Variants in CNOT1 observed in about 807,000 individuals in gnomAD.
CNOT1 encodes CCR4-NOT transcription complex subunit 1, also known as CCR4-associated factor 1.
In CNOT1, 15 loss-of-function variants were observed where a neutral mutation model predicts 273.8. The observed-to-expected ratio is 0.05, with a 90% CI of 0.04 to 0.08. The LOEUF (loss-of-function observed/expected upper bound fraction) is 0.08. Ranked by LOEUF, CNOT1 falls within the 10% of genes least tolerant of loss-of-function variation. The pLI, the probability that CNOT1 is intolerant of heterozygous loss-of-function variation, is 1.00. For synonymous variants in CNOT1, 1,022 were observed against 1,005.5 expected, an observed-to-expected ratio of 1.02 and a Z score of -0.31; for missense variants, 1,644 against 2,912.2, an observed-to-expected ratio of 0.56 and a Z score of 10.02.
At position 58,547,615 on chromosome 16, in the gene CNOT1, T is replaced by C; in HGVS notation, c.3590A>G (p.His1197Arg). The C allele has an allele frequency of 6.2e-7, 1 of 1,613,812 alleles. No homozygotes were observed. The highest frequency in any genetic ancestry group is 8.5e-7 in the Non-Finnish European group (1 of 1,179,822). Residue 1197 changes from histidine (H) to arginine (R), a missense_variant, in exon 26 of 49, where the codon CAT (histidine) becomes CGT (arginine). Transcript: ENST00000317147. This position sits in a 1 kb window ranked among gnomAD's most constrained non-coding sequence, Gnocchi z 4.0. Reference protein sequence around the residue: ...SDRSLLKNLGHWLGMITLAKN... With the variant: ...SDRSLLKNLGRWLGMITLAKN... The stretch of plus-strand genomic sequence containing the variant: ...AGCTAATGTGATCATTCCTAGCCAA[T>C]GTCCCAAGTTCTTCAGCAAAGAACG...
chr16:58,615,006 C>G (rs2043025106), intron 1 of CNOT1, among the ~76,000 whole-genome samples: 1 of 106,424 alleles, frequency 9.4e-6, no homozygotes, highest in African/African-American at 3.3e-5. Context: ...CAGCACTGGG[C>G]CTGTATCCTT....
intron 2 of CNOT1, among the ~76,000 whole-genome samples, chr16:58,597,099 GA>G (rs71666373): frequency 0.36 from 47,786 of 133,486 alleles, 8,885 homozygotes; most frequent in Non-Finnish European, 0.47. Flanking sequence ...CATTTAAAAA[GA>G]AAAAAAAAAA....
intron 2 of CNOT1, chr16:58,598,032 G>A (rs1286275003): frequency 5.5e-6 from 1 of 180,416 alleles, no homozygotes. Flanking sequence ...GGGAGGCCAA[G>A]GCGGGCAGAT....
rs759486325 is a variant in CNOT1, at chr16:58,520,994, C to T, written c.7095G>A (p.Gln2365=). 1.2e-6 allele frequency: 2 copies of T among 1,614,078 alleles called. No individual in the cohort carries two copies. The highest frequency in any genetic ancestry group is 1.1e-5 in the South Asian group (1 of 91,086). The stretch of plus-strand genomic sequence containing the variant: ...CTGTCCCTTCCATTACTTGCTGGGC[C>T]TGCTTCTGTCCCATGCAGCACTGTG... ...SVAQCCMGQK[Q]AQQVMEGTGA... Residue 2365 remains glutamine, a synonymous_variant, in exon 49 of 49, where the codon CAG becomes CAA. Coordinates refer to ENST00000317147, the MANE Select transcript of CNOT1 (RefSeq NM_016284.5).
intron 14 of CNOT1, among the ~76,000 whole-genome samples, chr16:58,576,099 T>C (rs746274681): frequency 3.3e-5 from 5 of 152,022 alleles, no homozygotes; most frequent in Non-Finnish European, 5.9e-5. Context: ...ACATAAGCAT[T>C]TACTTTTTTT....
chr16:58,620,671 A>G (rs1222220600), intron 1 of CNOT1, among the ~76,000 whole-genome samples: 1 of 149,376 alleles, frequency 6.7e-6, no homozygotes, highest in African/African-American at 2.5e-5. Flanking sequence ...AAAAAAAAAA[A>G]AAAAAAGAGG....
chr16:58,621,034 T>C (rs932730656), intron 1 of CNOT1, among the ~76,000 whole-genome samples: 2 of 152,102 alleles, frequency 1.3e-5, no homozygotes, highest in Non-Finnish European at 2.9e-5. Context: ...TTTTTCTTTT[T>C]TTTGAGACAG....
intron 1 of CNOT1, among the ~76,000 whole-genome samples, chr16:58,603,701 T>C (rs115114383): frequency 0.015 from 2,279 of 152,156 alleles, 45 homozygotes; most frequent in African/African-American, 0.052. Flanking sequence ...ACCAAACTGA[T>C]ACCTTAGTCT....
At chr16:58,551,334 C>T in intron 23 of CNOT1, 62 bp from the exon 24 acceptor site, 5 of 1,469,100 alleles carry the variant, frequency 3.4e-6, no homozygotes, top group Non-Finnish European at 9.1e-7. Context: ...GAAAAAAATC[C>T]AATAATGTAT....
chr16:58,536,851 A>G, intron 39 of CNOT1, 138 bp downstream of exon 39: 4 of 1,349,604 alleles, frequency 3.0e-6, no homozygotes, highest in Non-Finnish European at 3.9e-6. Context: ...ATTTAACCAT[A>G]TAATGATGAC....
At chr16:58,622,772 T>C (rs1213336561) in intron 1 of CNOT1, among the ~76,000 whole-genome samples, 1 of 147,376 alleles carries the variant, frequency 6.8e-6, no homozygotes, top group African/African-American at 2.5e-5. Context: ...TCTTGAAACC[T>C]GGAGGCAGAG....
At chr16:58,558,902 G>A (rs1206535715) in intron 17 of CNOT1, among the ~76,000 whole-genome samples, 1 of 152,148 alleles carries the variant, frequency 6.6e-6, no homozygotes, top group African/African-American at 2.4e-5. Flanking sequence ...CAAAGTACAG[G>A]TTGAGTATCC....
rs2039338261 is a variant in CNOT1 at position 58,520,640 on chromosome 16, T to C, written c.*318A>G. The C allele has an allele frequency of 2.9e-6, 1 of 349,718 alleles. No homozygotes were observed. The highest frequency in any genetic ancestry group is 2.1e-5 in the African/African-American group (1 of 48,740). 21.7% of individuals were successfully genotyped at this position (349,718 alleles called of 1,614,324 possible). ...TGCCTCTTCATTACAAGGTACCAGT[T>C]TATGTACTTGCCTTGGACACAGCTT... On this transcript the variant is annotated 3_prime_UTR_variant, in exon 49 of 49. Transcript: ENST00000317147.
chr16:58,594,049 A>T (rs2042158819), intron 2 of CNOT1, among the ~76,000 whole-genome samples: 1 of 152,100 alleles, frequency 6.6e-6, no homozygotes. Context: ...GTTCAAAACC[A>T]GCCTGACCAA....
In CNOT1 at chr16:58,551,191, T is replaced by C. The variant is rs372106946; in HGVS notation, c.3283A>G (p.Ile1095Val). 3.1e-6 allele frequency: 5 copies of C among 1,610,864 alleles called. No individual in the cohort carries two copies. Among genetic ancestry groups the C allele is most frequent in the Non-Finnish European group, 4.2e-6 (5 of 1,179,184 alleles). The change falls in exon 24 of 49, where the codon ATC (isoleucine) becomes GTC (valine). Residue 1095 changes from isoleucine (I) to valine (V), a missense_variant. This residue lies in a region of CNOT1 where 124 missense variants were observed against 289.3 expected (regional missense o/e 0.43). Transcript: ENST00000317147. Reference sequence around the variant, plus strand: ...AAAATAAAAGCAATTTTCTCCTGGATATTTTCTGGGGGCTCCACAATTCTC... The same window carrying C: ...AAAATAAAAGCAATTTTCTCCTGGACATTTTCTGGGGGCTCCACAATTCTC... ...TERIVEPPEN[I>V]QEKIAFIFNN...
intron 2 of CNOT1, among the ~76,000 whole-genome samples, chr16:58,595,880 A>G (rs1012229854): frequency 6.6e-6 from 1 of 152,238 alleles, no homozygotes; most frequent in African/African-American, 2.4e-5. Flanking sequence ...TGTTTAAGTC[A>G]GAGGTGGAAA....
intron 16 of CNOT1, among the ~76,000 whole-genome samples, chr16:58,565,700 T>A (rs965607291): frequency 6.6e-6 from 1 of 152,154 alleles, no homozygotes; most frequent in African/African-American, 2.4e-5. Context: ...CCCAGCACTC[T>A]GGGAGGCAGA....
rs1214681267 is a variant in CNOT1, at chr16:58,553,590, A to C, written c.2970+192T>G. 2.6e-5 allele frequency among the ~76,000 whole-genome samples: 4 copies of C among 152,192 alleles called. No homozygotes were observed. In the East Asian group the frequency reaches 7.7e-4, roughly 29 times the overall value. On this transcript the variant is annotated intron_variant, in intron 22 of 48. Transcript: ENST00000317147. The stretch of plus-strand genomic sequence containing the variant: ...GCTACTTAGAAAAGATAATCCAAGA[A>C]TGATTATTTTTTCATGTTCTCTTGT...
At chr16:58,593,996 G>A (rs929351590) in intron 2 of CNOT1, among the ~76,000 whole-genome samples, 8 of 152,182 alleles carry the variant, frequency 5.3e-5, no homozygotes, top group African/African-American at 1.9e-4. Flanking sequence ...TGTAATCCCA[G>A]CACTTTGGGA....
Sources: gnomAD v4.1 joint callset for allele counts (sites outside exome capture counted in the v4.1 genomes callset) on GRCh38, gnomAD v4.1.1 for gene constraint, gnomAD v4.1.1 regional missense constraint, Gnocchi (gnomAD v3.1) non-coding constraint, MANE v1.5 for transcripts, NCBI Gene and HGNC (gene_info 2026-07-23, HGNC 2026-07-21) for gene names.